Variants in RBPMS observed in about 807,000 individuals in gnomAD.
The protein encoded by RBPMS is RNA binding protein, mRNA processing factor.
A neutral mutation model predicts 26.8 loss-of-function variants in RBPMS; 7 were observed. The observed-to-expected ratio is 0.26, with a 90% CI of 0.15 to 0.49. The LOEUF (loss-of-function observed/expected upper bound fraction) is 0.49. Among genes scored for constraint, RBPMS ranks in the 20% least tolerant of loss-of-function variants. RBPMS has a pLI of 0.98. For synonymous variants in RBPMS, 96 were observed against 93.3 expected (o/e 1.03, Z -0.17); for missense variants, 186 against 250.0 (o/e 0.74, Z 1.73).
At chr8:30,566,173 C>A in intron 7 of RBPMS, 84 bp from the exon 8 acceptor site, 1 of 775,476 alleles carries the variant, frequency 1.3e-6, no homozygotes, top group Non-Finnish European at 1.6e-6. Flanking sequence ...TCTCTGCCCT[C>A]AGAACAGGCC....
At chr8:30,486,043 T>G (rs926170696) in intron 4 of RBPMS, among the ~76,000 whole-genome samples, 1 of 152,028 alleles carries the variant, frequency 6.6e-6, no homozygotes, top group African/African-American at 2.4e-5. Flanking sequence ...AACTAGAAAA[T>G]AAAACACTAA....
At chr8:30,515,478 T>C (rs1822208287) in intron 5 of RBPMS, among the ~76,000 whole-genome samples, 1 of 152,196 alleles carries the variant, frequency 6.6e-6, no homozygotes, top group South Asian at 2.1e-4. Flanking sequence ...TTTTTTCATA[T>C]ACTACAGCCA....
chr8:30,568,390 G>A lies in RBPMS; in HGVS notation c.*111+2030G>A, dbSNP rs547242640. Reference sequence around the variant, plus strand: ...TCGGACCGAGACCCTGACTGGGTACGAAGAGACCGCAGAGTGAGGGGCAGG... The same window carrying A: ...TCGGACCGAGACCCTGACTGGGTACAAAGAGACCGCAGAGTGAGGGGCAGG... On this transcript the variant is annotated intron_variant, in intron 8 of 8. Transcript: ENST00000397323. 6.8e-4 allele frequency among the ~76,000 whole-genome samples: 104 copies of A among 152,276 alleles called. No individual in the cohort carries two copies. The Middle Eastern group carries it at 0.01, about 15-fold the overall frequency.
At chr8:30,549,794 C>CTCTCTCTCTCTCTCTCTCTCTCTG (rs1246392654) in intron 6 of RBPMS, among the ~76,000 whole-genome samples, 14 of 103,964 alleles carry the variant, frequency 1.3e-4, no homozygotes, top group African/African-American at 5.9e-4. Context: ...CTCTCTCTCT[C>CTCTCTCTCTCTCTCTCTCTCTCTG]TCCCCTCTCT....
chr8:30,467,897 A>G (rs1816679302), intron 1 of RBPMS, among the ~76,000 whole-genome samples: 4 of 152,326 alleles, frequency 2.6e-5, no homozygotes, highest in Admixed American at 2.0e-4. Flanking sequence ...GCCAAAATGT[A>G]TAAATACATA....
intron 5 of RBPMS, among the ~76,000 whole-genome samples, chr8:30,540,588 G>C (rs1267563981): frequency 6.6e-6 from 1 of 152,120 alleles, no homozygotes; most frequent in African/African-American, 2.4e-5. Flanking sequence ...GCCAGGCCTG[G>C]CTAATATATA....
At chr8:30,436,661 A>T (rs1432078018) in intron 1 of RBPMS, among the ~76,000 whole-genome samples, 1 of 152,176 alleles carries the variant, frequency 6.6e-6, no homozygotes, top group Non-Finnish European at 1.5e-5. Context: ...TTTTCTCAGC[A>T]CACGTCACTT....
At chr8:30,485,724 G>A (rs7815629) in intron 4 of RBPMS, among the ~76,000 whole-genome samples, 164 of 152,300 alleles carry the variant, frequency 1.1e-3, no homozygotes, top group African/African-American at 3.6e-3. Flanking sequence ...TTGACTCACC[G>A]TGAAAGGCAT....
In RBPMS at chr8:30,497,436, C is replaced by A. The variant is rs932421028; in HGVS notation, c.247-6850C>A. ...ATGCACACCTATAATCCCAGCTACT[C>A]GGGAGGCTGAGGCATGAGAATTGCT... On this transcript the variant is annotated intron_variant, in intron 4 of 8. Transcript: ENST00000397323. Among the ~76,000 whole-genome samples the A allele has an allele frequency of 2.0e-5, 3 of 151,934 alleles. No individual in the cohort carries two copies. The East Asian group carries it at 5.8e-4, about 29-fold the overall frequency.
intron 5 of RBPMS, among the ~76,000 whole-genome samples, chr8:30,522,715 T>TTAACTATGTA (rs1422447694): frequency 6.6e-6 from 1 of 152,228 alleles, no homozygotes; most frequent in Non-Finnish European, 1.5e-5. Flanking sequence ...GTTGTAGACA[T>TTAACTATGTA]TAACTATGTA....
chr8:30,454,833 G>GT (rs951453341), intron 1 of RBPMS, among the ~76,000 whole-genome samples: 10 of 151,974 alleles, frequency 6.6e-5, no homozygotes, highest in African/African-American at 1.2e-4. Context: ...TGTTTGGTTT[G>GT]TTTTTTTGAG....
intron 1 of RBPMS, among the ~76,000 whole-genome samples, chr8:30,432,493 C>T (rs1159994222): frequency 2.0e-5 from 3 of 152,278 alleles, no homozygotes; most frequent in Non-Finnish European, 4.4e-5. Flanking sequence ...TACTTAAATC[C>T]TCCTTGGAAG....
At chr8:30,451,705 G>C (rs943977087) in intron 1 of RBPMS, among the ~76,000 whole-genome samples, 1 of 152,172 alleles carries the variant, frequency 6.6e-6, no homozygotes, top group Non-Finnish European at 1.5e-5. Flanking sequence ...AGAGAAAAAT[G>C]AGAAACTAGA....
At chr8:30,558,587 C>T in intron 6 of RBPMS, 1 of 499,542 alleles carries the variant, frequency 2.0e-6, no homozygotes, top group East Asian at 3.7e-5. Context: ...ATCTTAGCCT[C>T]AAATGGCTGC....
intron 1 of RBPMS, among the ~76,000 whole-genome samples, chr8:30,452,685 C>T (rs16876972): frequency 0.018 from 2,705 of 152,220 alleles, 65 homozygotes; most frequent in African/African-American, 0.061. Context: ...CCCTCAAATT[C>T]CTGCCAATTG....
At chr8:30,533,158 A>G (rs183211858) in intron 5 of RBPMS, among the ~76,000 whole-genome samples, 4 of 152,250 alleles carry the variant, frequency 2.6e-5, no homozygotes, top group African/African-American at 4.8e-5. Flanking sequence ...GTAACTGGAG[A>G]CTGCCCAGTT....
intron 1 of RBPMS, among the ~76,000 whole-genome samples, chr8:30,419,920 G>A (rs1319229004): frequency 2.6e-5 from 4 of 152,182 alleles, no homozygotes; most frequent in Non-Finnish European, 4.4e-5. Context: ...ACTGCATTCT[G>A]AAGGACAGAA....
At chr8:30,499,676 T>A (rs1175676728) in intron 4 of RBPMS, among the ~76,000 whole-genome samples, 1 of 152,118 alleles carries the variant, frequency 6.6e-6, no homozygotes, top group East Asian at 1.9e-4. Context: ...TTCAAAAATA[T>A]CAAGCTCATG....
chr8:30,499,319 A>G (rs528553806), intron 4 of RBPMS, among the ~76,000 whole-genome samples: 44 of 152,224 alleles, frequency 2.9e-4, no homozygotes, highest in African/African-American at 8.4e-4. Flanking sequence ...TTTGGCAACT[A>G]CAATAGTAAC....
Sources: allele counts gnomAD v4.1 joint callset (sites outside exome capture counted in the v4.1 genomes callset), GRCh38; gene constraint gnomAD v4.1.1; transcripts MANE v1.5; gene names NCBI Gene and HGNC (gene_info 2026-07-23, HGNC 2026-07-21).